The following HNRNPF variants were observed in gnomAD, a reference collection of about 807,000 sequenced individuals.
The protein encoded by HNRNPF is heterogeneous nuclear ribonucleoprotein F.
HNRNPF carries 2 observed loss-of-function variants against 26.0 expected under a neutral mutation model. That is an observed-to-expected ratio of 0.08 (90% confidence interval 0.03 to 0.24). HNRNPF has a LOEUF of 0.24. Ranked by LOEUF, HNRNPF falls within the 10% of genes least tolerant of loss-of-function variation. HNRNPF has a pLI of 1.00. For missense variants in HNRNPF, 299 were observed against 539.2 expected, an observed-to-expected ratio of 0.55 and a Z score of 4.41; for synonymous variants, 234 against 211.5, an observed-to-expected ratio of 1.11 and a Z score of -0.92.
intron 1 of HNRNPF, among the ~76,000 whole-genome samples, chr10:43,405,658 G>GAA (rs369988672): frequency 1.1e-4 from 16 of 144,758 alleles, no homozygotes; most frequent in African/African-American, 3.8e-4. Flanking sequence ...TTCCGTCTCG[G>GAA]AAAAAAAAAA....
In HNRNPF at chr10:43,387,885, G is replaced by A; in HGVS notation, c.-1C>T. 1.3e-6 allele frequency: 2 copies of A among 1,598,886 alleles called. No individual in the cohort carries two copies. The highest frequency in any genetic ancestry group is 2.2e-5 in the South Asian group (2 of 90,716). On this transcript the variant is annotated 5_prime_UTR_variant, in exon 4 of 4. Transcript: ENST00000682386. The surrounding 1 kb of genome is among the most constrained non-coding windows in gnomAD (Gnocchi z 6.0). ...CACCTCCCTCAGGGCCCAGCATCAT[G>A]GACACTTGTCAGGGTGGGTGTCAGG...
At chr10:43,397,190 CAGGG>C (rs1243091454) in intron 1 of HNRNPF, 1 of 152,084 alleles carries the variant, frequency 6.6e-6, no homozygotes, top group Admixed American at 6.6e-5. Flanking sequence ...CTCACCACGC[CAGGG>C]ACTGGCCCGT....
chr10:43,398,978 A>AT (rs1335684630), intron 1 of HNRNPF, among the ~76,000 whole-genome samples: 1 of 152,270 alleles, frequency 6.6e-6, no homozygotes, highest in Non-Finnish European at 1.5e-5. Context: ...TTCCAGCCAG[A>AT]TAAAAGAACC....
chr10:43,408,784 G>A (rs532753095), intron 1 of HNRNPF: 123 of 152,414 alleles, frequency 8.1e-4, no homozygotes, highest in African/African-American at 2.9e-3. Context: ...GTGGTCCCTT[G>A]GAGCACCTAG....
intron 1 of HNRNPF, among the ~76,000 whole-genome samples, chr10:43,404,864 G>A (rs548550715): frequency 6.6e-6 from 1 of 152,230 alleles, no homozygotes; most frequent in Non-Finnish European, 1.5e-5. Flanking sequence ...ACCTCTAGAG[G>A]TAACTATCAC....
At position 43,385,730 on chromosome 10, in the gene HNRNPF, G is replaced by A. The variant is rs1837997829; in HGVS notation, c.*907C>T. ...AACAGATGTGACTCCAGCATCAAGG[G>A]CCTAGCAGGAAAATTCTGAATGGTT... On this transcript the variant is annotated 3_prime_UTR_variant, in exon 4 of 4. Transcript: ENST00000682386. 1 of 152,218 alleles carries A rather than the reference G, an allele frequency of 6.6e-6. No individual in the cohort carries two copies. Among genetic ancestry groups the A allele is most frequent in the African/African-American group, 2.4e-5 (1 of 41,460 alleles). 9.4% of individuals were successfully genotyped at this position (152,218 alleles called of 1,614,324 possible).
chr10:43,401,695 T>A (rs1007367994), intron 1 of HNRNPF, among the ~76,000 whole-genome samples: 41 of 152,164 alleles, frequency 2.7e-4, no homozygotes, highest in Non-Finnish European at 5.0e-4. Context: ...CCACCTCCTG[T>A]ACCTCTCTCC....
At position 43,406,620 on chromosome 10, in the gene HNRNPF, G is replaced by A. The variant is rs1283889115; in HGVS notation, c.-247+2511C>T. Among the ~76,000 whole-genome samples, 7 of 151,422 alleles carry A rather than the reference G, an allele frequency of 4.6e-5. No homozygotes were observed. In the East Asian group the frequency reaches 1.4e-3, roughly 30 times the overall value. On this transcript the variant is annotated intron_variant, in intron 1 of 3. Coordinates refer to ENST00000682386, the MANE Select transcript of HNRNPF (RefSeq NM_001098204.2). ...GAGGTGGGAGGATCCGTTGAGCACA[G>A]GAGGATCTCGGCAGCGAGCCGAGAT...
intron 3 of HNRNPF, among the ~76,000 whole-genome samples, chr10:43,394,391 A>G (rs1398521379): frequency 1.3e-5 from 2 of 152,214 alleles, no homozygotes; most frequent in Non-Finnish European, 2.9e-5. Context: ...TCCAAAACAC[A>G]TGTGTACACT....
At chr10:43,407,374 G>A (rs1589002838) in intron 1 of HNRNPF, among the ~76,000 whole-genome samples, 5 of 152,136 alleles carry the variant, frequency 3.3e-5, no homozygotes, top group African/African-American at 7.2e-5. Context: ...GGCCGCCCGC[G>A]GGCAATGGCC....
Position 43,409,121 on chromosome 10 carries a change from C to T in HNRNPF, c.-247+10G>A, listed in dbSNP as rs972313510. On this transcript the variant is annotated intron_variant, in intron 1 of 3. Coordinates refer to ENST00000682386, the MANE Select transcript of HNRNPF (RefSeq NM_001098204.2). ...GCGTGACAGCGATTCGGTGGCCCCCCGAACCCCACCTTGAGGAAGACGCGG... is the reference window on the plus strand; with the variant it reads ...GCGTGACAGCGATTCGGTGGCCCCCTGAACCCCACCTTGAGGAAGACGCGG... 2.0e-5 allele frequency: 3 copies of T among 152,640 alleles called. No individual in the cohort carries two copies. The highest frequency in any genetic ancestry group is 2.9e-5 in the Non-Finnish European group (2 of 68,320). 9.5% of individuals were successfully genotyped at this position (152,640 alleles called of 1,614,324 possible).
At chr10:43,406,322 G>A (rs556267395) in intron 1 of HNRNPF, among the ~76,000 whole-genome samples, 1 of 152,238 alleles carries the variant, frequency 6.6e-6, no homozygotes, top group African/African-American at 2.4e-5. Flanking sequence ...TATTTACTCA[G>A]TCTTTTCCCT....
chr10:43,408,412 C>G (rs547033172), intron 1 of HNRNPF, among the ~76,000 whole-genome samples: 6 of 152,188 alleles, frequency 3.9e-5, no homozygotes, highest in Non-Finnish European at 8.8e-5. Flanking sequence ...GTCCCACGTA[C>G]GGGCCCCTCG....
chr10:43,405,656 C>T (rs1838892480), intron 1 of HNRNPF, among the ~76,000 whole-genome samples: 1 of 140,104 alleles, frequency 7.1e-6, no homozygotes, highest in South Asian at 2.2e-4. Context: ...GATTCCGTCT[C>T]GGAAAAAAAA....
At chr10:43,393,089 ACT>A (rs1838317346) in intron 3 of HNRNPF, among the ~76,000 whole-genome samples, 1 of 151,456 alleles carries the variant, frequency 6.6e-6, no homozygotes, top group South Asian at 2.1e-4. Flanking sequence ...ATCCTATTCA[ACT>A]CTTCCATTTC....
chr10:43,406,467 G>A (rs1326222107), intron 1 of HNRNPF, among the ~76,000 whole-genome samples: 3 of 152,204 alleles, frequency 2.0e-5, no homozygotes, highest in Non-Finnish European at 4.4e-5. Context: ...GCAGAGGCGT[G>A]AGAATCGCTT....
At chr10:43,407,446 C>T (rs1178918481) in intron 1 of HNRNPF, among the ~76,000 whole-genome samples, 4 of 152,050 alleles carry the variant, frequency 2.6e-5, no homozygotes, top group African/African-American at 9.7e-5. Context: ...GGGTCCCAGG[C>T]GCCTAGGGGG....
At chr10:43,392,961 T>G (rs1032924818) in intron 3 of HNRNPF, among the ~76,000 whole-genome samples, 8 of 152,192 alleles carry the variant, frequency 5.3e-5, no homozygotes, top group Non-Finnish European at 8.8e-5. Flanking sequence ...TGCCCCTACC[T>G]GCACCCAGAG....
intron 1 of HNRNPF, among the ~76,000 whole-genome samples, chr10:43,407,499 C>T (rs1838963811): frequency 6.6e-6 from 1 of 152,022 alleles, no homozygotes; most frequent in African/African-American, 2.4e-5. Flanking sequence ...GAGGGCGAGT[C>T]GGGTGCCTTG....
Sources: gnomAD v4.1 joint callset for allele counts (sites outside exome capture counted in the v4.1 genomes callset) on GRCh38, gnomAD v4.1.1 for gene constraint, Gnocchi (gnomAD v3.1) non-coding constraint, MANE v1.5 for transcripts, NCBI Gene and HGNC (gene_info 2026-07-23, HGNC 2026-07-21) for gene names.